Variants in EIF4G3 observed in about 807,000 individuals in gnomAD.
The protein encoded by EIF4G3 is eukaryotic translation initiation factor 4 gamma 3.
A neutral mutation model predicts 186.4 loss-of-function variants in EIF4G3; 34 were observed. That is an observed-to-expected ratio of 0.18 (90% CI 0.14 to 0.24). The LOEUF (loss-of-function observed/expected upper bound fraction) is 0.24, where lower values mean the gene tolerates loss of function less well. Among genes scored for constraint, EIF4G3 ranks in the 10% least tolerant of loss-of-function variants. The probability of loss-of-function intolerance (pLI) is 1.00; values close to 1 mark genes in which losing one functional copy is unlikely to be tolerated. For synonymous variants in EIF4G3, 673 were observed against 679.5 expected (o/e 0.99, Z 0.15); for missense variants, 1,536 against 1,948.5 (o/e 0.79, Z 3.99).
At chr1:21,052,634 A>G (rs2094295830) in intron 3 of EIF4G3, among the ~76,000 whole-genome samples, 2 of 151,610 alleles carry the variant, frequency 1.3e-5, no homozygotes, top group Admixed American at 6.6e-5. Flanking sequence ...ATGCCGAGCC[A>G]AAGCTGGACT....
chr1:21,170,197 A>ATAAATAAG (rs2097929757), intron 2 of EIF4G3, among the ~76,000 whole-genome samples: 1 of 151,514 alleles, frequency 6.6e-6, no homozygotes, highest in Non-Finnish European at 1.5e-5. Context: ...AAATAAACAA[A>ATAAATAAG]CAAACAAACA....
chr1:20,837,348 G>T (rs1420846256), intron 30 of EIF4G3, among the ~76,000 whole-genome samples: 2 of 152,142 alleles, frequency 1.3e-5, no homozygotes, highest in African/African-American at 2.4e-5. Flanking sequence ...TGGGATTACA[G>T]GCATGCGCCA....
At position 21,176,880 on chromosome 1, in the gene EIF4G3, C is replaced by G. The variant is rs1212950912; in HGVS notation, c.-614G>C. On this transcript the variant is annotated 5_prime_UTR_variant, in exon 1 of 37. Transcript: ENST00000602326. ...AACATGGCGCTGTGGCCGCCTCCAG[C>G]AGTCCGGCAGGACGGCTGCTCGGAA... 5.8e-6 allele frequency: 4 copies of G among 694,334 alleles called. No homozygotes were observed. In the Admixed American group the frequency reaches 8.1e-5, roughly 14 times the overall value. The allele number at this position is 694,334 out of a possible 1,614,324, so 43.0% of individuals were successfully genotyped here.
intron 35 of EIF4G3, among the ~76,000 whole-genome samples, chr1:20,812,611 T>C (rs959090799): frequency 2.6e-4 from 39 of 152,180 alleles, no homozygotes; most frequent in African/African-American, 9.4e-4. Flanking sequence ...TGTTAAACAT[T>C]GTATACAGCT....
chr1:20,883,310 C>T (rs929096030), intron 19 of EIF4G3, among the ~76,000 whole-genome samples: 2 of 151,892 alleles, frequency 1.3e-5, no homozygotes, highest in African/African-American at 4.8e-5. Context: ...CTGGATTAGT[C>T]GAGGAATGCC....
intron 2 of EIF4G3, among the ~76,000 whole-genome samples, chr1:21,102,131 A>G (rs2101855560): frequency 6.6e-6 from 1 of 152,108 alleles, no homozygotes; most frequent in East Asian, 1.9e-4. Flanking sequence ...AAAGACAAAC[A>G]CCAAAAAGGA....
chr1:21,136,551 T>A (rs1230669816), intron 2 of EIF4G3, among the ~76,000 whole-genome samples: 1 of 151,528 alleles, frequency 6.6e-6, no homozygotes, highest in Non-Finnish European at 1.5e-5. Context: ...CAAAAAACCA[T>A]ACTCCCTTGC....
intron 3 of EIF4G3, among the ~76,000 whole-genome samples, chr1:21,073,981 C>G (rs1445068817): frequency 6.6e-6 from 1 of 152,072 alleles, no homozygotes. Flanking sequence ...TTTCTAAACA[C>G]TACAATTTTC....
At chr1:21,022,063 C>T (rs1416986498) in intron 4 of EIF4G3, among the ~76,000 whole-genome samples, 1 of 152,122 alleles carries the variant, frequency 6.6e-6, no homozygotes, top group Non-Finnish European at 1.5e-5. Context: ...TGCAAAAATA[C>T]CTCAACGATG....
intron 2 of EIF4G3, among the ~76,000 whole-genome samples, chr1:21,090,802 C>T (rs1431647087): frequency 1.3e-5 from 2 of 152,184 alleles, no homozygotes; most frequent in African/African-American, 4.8e-5. Flanking sequence ...CTCAAGTTAT[C>T]ATTTCCTCAT....
chr1:21,100,225 T>C (rs1368526269), intron 2 of EIF4G3, among the ~76,000 whole-genome samples: 1 of 151,952 alleles, frequency 6.6e-6, no homozygotes, highest in East Asian at 1.9e-4. Context: ...GGAAGGAGGG[T>C]GACTGCTAAA....
At chr1:20,821,182 A>G (rs1359288965) in intron 33 of EIF4G3, among the ~76,000 whole-genome samples, 1 of 152,206 alleles carries the variant, frequency 6.6e-6, no homozygotes, top group East Asian at 1.9e-4. Flanking sequence ...TTCAGCATGA[A>G]AGAGTTGAAA....
At chr1:21,080,942 G>A (rs1022469641) in intron 3 of EIF4G3, among the ~76,000 whole-genome samples, 2 of 152,126 alleles carry the variant, frequency 1.3e-5, no homozygotes, top group Non-Finnish European at 2.9e-5. Context: ...TAGCCTGATA[G>A]TCATAAAATC....
intron 14 of EIF4G3, among the ~76,000 whole-genome samples, chr1:20,924,943 C>T (rs1170372823): frequency 6.6e-6 from 1 of 152,132 alleles, no homozygotes; most frequent in Non-Finnish European, 1.5e-5. Context: ...TTAATTATGA[C>T]AAAAGTAATT....
intron 2 of EIF4G3, chr1:21,175,839 G>A (rs1294664481): frequency 6.3e-6 from 1 of 157,682 alleles, no homozygotes; most frequent in Non-Finnish European, 1.4e-5. Context: ...CTGCAGGGTT[G>A]GTCCCAGGCA....
chr1:21,012,461 G>A (rs2087438468), intron 4 of EIF4G3, among the ~76,000 whole-genome samples: 1 of 152,106 alleles, frequency 6.6e-6, no homozygotes, highest in Admixed American at 6.6e-5. Flanking sequence ...AAAAACATGT[G>A]TATCTGCTTC....
At chr1:21,158,751 A>T (rs75516859) in intron 2 of EIF4G3, among the ~76,000 whole-genome samples, 165 of 136,226 alleles carry the variant, frequency 1.2e-3, no homozygotes, top group African/African-American at 3.9e-3. Flanking sequence ...ACACACACAC[A>T]CTCTCTCTCT....
intron 33 of EIF4G3, among the ~76,000 whole-genome samples, chr1:20,820,653 A>G (rs996522533): frequency 6.6e-6 from 1 of 152,122 alleles, no homozygotes; most frequent in African/African-American, 2.4e-5. Context: ...CTATGGACCA[A>G]TTGGCATGCA....
chr1:21,043,144 CA>C (rs1489831082), intron 4 of EIF4G3, among the ~76,000 whole-genome samples: 1 of 152,134 alleles, frequency 6.6e-6, no homozygotes, highest in African/African-American at 2.4e-5. Context: ...AAGAGTCTCC[CA>C]GGATGCATCC....
Sources: gnomAD v4.1 joint callset for allele counts (sites outside exome capture counted in the v4.1 genomes callset) on GRCh38, gnomAD v4.1.1 for gene constraint, MANE v1.5 for transcripts, NCBI Gene and HGNC (gene_info 2026-07-23, HGNC 2026-07-21) for gene names.